The following VXN variants were observed in gnomAD, a reference collection of about 807,000 sequenced individuals.
The protein encoded by VXN is vexin, also known as uncharacterized protein C8orf46.
VXN carries 7 observed loss-of-function variants against 23.1 expected under a neutral mutation model. The ratio of observed to expected loss-of-function variants is 0.30; its 90% CI spans 0.17 to 0.57. VXN has a LOEUF of 0.57. VXN is among the 20% of genes least tolerant of loss of function. The pLI, the probability that VXN is intolerant of heterozygous loss-of-function variation, is 0.91. For missense variants in VXN, 238 were observed against 272.6 expected (o/e 0.87, Z 0.89); for synonymous variants, 120 against 105.8 (o/e 1.13, Z -0.83).
chr8:66,502,792 G>A (rs1369912597), intron 2 of VXN, among the ~76,000 whole-genome samples: 1 of 151,058 alleles, frequency 6.6e-6, no homozygotes, highest in African/African-American at 2.4e-5. Flanking sequence ...GAAATGCACA[G>A]AGCAACCAAT....
In VXN at chr8:66,510,174, T is replaced by G. The variant is rs1261553643; in HGVS notation, c.342+17T>G. 13 of 1,597,896 alleles carry G rather than the reference T, an allele frequency of 8.1e-6. No homozygotes were observed. Among genetic ancestry groups the G allele is most frequent in the Non-Finnish European group, 1.1e-5 (13 of 1,168,818 alleles). ...AAATCTCTGGTAAGTAAAATAAGCC[T>G]GCTTAGTTGTATCTGTTGTGCATTA... On this transcript the variant is annotated intron_variant, in intron 4 of 5. Transcript: ENST00000305454.
chr8:66,508,528 G>C (rs1475786739), intron 3 of VXN, among the ~76,000 whole-genome samples: 1 of 152,098 alleles, frequency 6.6e-6, no homozygotes, highest in Non-Finnish European at 1.5e-5. Context: ...CCTGAGCTGG[G>C]GGTAGTTCTG....
chr8:66,512,511 G>A (rs952728980), intron 4 of VXN, among the ~76,000 whole-genome samples: 9 of 152,216 alleles, frequency 5.9e-5, no homozygotes, highest in Admixed American at 1.3e-4. Flanking sequence ...ACAGCACAGA[G>A]TGTGTCTATT....
intron 1 of VXN, among the ~76,000 whole-genome samples, chr8:66,495,986 G>T (rs1021304175): frequency 7.9e-5 from 12 of 152,022 alleles, no homozygotes; most frequent in African/African-American, 2.9e-4. Context: ...TTGTCCTTTT[G>T]TTTGTTTGTT....
intron 2 of VXN, chr8:66,498,772 C>A: frequency 8.8e-6 from 4 of 452,126 alleles, no homozygotes; most frequent in Non-Finnish European, 1.8e-5. Flanking sequence ...CAGAATAGTG[C>A]AAAATTTAAA....
At chr8:66,505,351 A>C (rs2130549515) in intron 2 of VXN, 24 bp from the exon 3 acceptor site, 2 of 1,569,890 alleles carry the variant, frequency 1.3e-6, no homozygotes. Flanking sequence ...GGAGTGGGCT[A>C]ACCGCGTTTC....
Position 66,513,618 on chromosome 8 carries a change from G to A in VXN, c.421G>A (p.Gly141Arg). The change falls in exon 5 of 6, where the codon GGA (glycine) becomes AGA (arginine). Residue 141 changes from glycine (G) to arginine (R), a missense_variant. By Grantham distance (125) the Gly-to-Arg change is moderately radical (BLOSUM62 -2). Around this residue, in one of 2 missense-constraint regions of VXN, gnomAD observed 223 missense variants for 236.9 expected, o/e 0.94. Transcript: ENST00000305454. ...LEATAMGTEK[G>R]AVLMRGSRHL... Reference sequence around the variant, plus strand: ...GGCGACAGCCATGGGCACAGAGAAGGGAGCTGTTCTGATGAGAGGGTAAGT... The same window carrying A: ...GGCGACAGCCATGGGCACAGAGAAGAGAGCTGTTCTGATGAGAGGGTAAGT... 1 of 1,614,136 alleles carries A rather than the reference G, an allele frequency of 6.2e-7. No homozygotes were observed. Among genetic ancestry groups the A allele is most frequent in the Non-Finnish European group, 8.5e-7 (1 of 1,179,998 alleles).
Position 66,516,789 on chromosome 8 carries a change from A to G in VXN, c.*713A>G, listed in dbSNP as rs192355552. The stretch of plus-strand genomic sequence containing the variant: ...TTTTGAAAGTGCTTTCTCATCCGTT[A>G]TCTCTTATCTTCACAAAACCCCTGT... On this transcript the variant is annotated 3_prime_UTR_variant, in exon 6 of 6. Transcript: ENST00000305454. 12 of 152,358 alleles carry G rather than the reference A, an allele frequency of 7.9e-5. No homozygotes were observed. Among genetic ancestry groups the G allele is most frequent in the Admixed American group, 7.8e-4 (12 of 15,306 alleles). 9.4% of individuals were successfully genotyped at this position (152,358 alleles called of 1,614,324 possible). A position where few individuals can be genotyped will look rare whatever the true frequency, so the allele number is the denominator to read the frequency against.
At chr8:66,511,590 C>A (rs1807824555) in intron 4 of VXN, among the ~76,000 whole-genome samples, 1 of 152,148 alleles carries the variant, frequency 6.6e-6, no homozygotes, top group Admixed American at 6.5e-5. Flanking sequence ...CTCACCTGAG[C>A]CAGAGAAAAA....
chr8:66,517,854 G>A lies in VXN; in HGVS notation c.*1778G>A, dbSNP rs1807915143. On this transcript the variant is annotated 3_prime_UTR_variant, in exon 6 of 6. Coordinates refer to ENST00000305454, the MANE Select transcript of VXN (RefSeq NM_152765.4). ...TCAGACTCAACTGCTATGTGTGACT[G>A]CCGCTCTGTGCCTATGTCTTGCTTT... The A allele has an allele frequency of 6.6e-6, 1 of 152,236 alleles. No individual in the cohort carries two copies. Among genetic ancestry groups the A allele is most frequent in the Non-Finnish European group, 1.5e-5 (1 of 68,056 alleles). The allele number at this position is 152,236 out of a possible 1,614,324, so 9.4% of individuals were successfully genotyped here.
chr8:66,493,868 G>C, intron 1 of VXN, 150 bp downstream of exon 1: 1 of 644,130 alleles, frequency 1.6e-6, no homozygotes, highest in Non-Finnish European at 2.7e-6. Flanking sequence ...TTTTGGAGGG[G>C]GGAAAGAGGC....
At chr8:66,502,314 A>C (rs1807700345) in intron 2 of VXN, among the ~76,000 whole-genome samples, 1 of 152,220 alleles carries the variant, frequency 6.6e-6, no homozygotes, top group Admixed American at 6.5e-5. Context: ...GAGCCACGAC[A>C]ATGAAGATTC....
rs749805180 is a variant in VXN, at chr8:66,515,878, C to G, written c.441-15C>G. 61 of 1,560,836 alleles carry G rather than the reference C, an allele frequency of 3.9e-5. No individual in the cohort carries two copies. Among genetic ancestry groups the G allele is most frequent in the Non-Finnish European group, 4.9e-5 (57 of 1,154,008 alleles). On this transcript the variant is annotated splice_polypyrimidine_tract_variant and intron_variant, in intron 5 of 5. Transcript: ENST00000305454. ...AGCAGACCACCCTCCCCACCCACTCCTGGCTTTTCTTTAGATCCAGACATC... is the reference window on the plus strand; with the variant it reads ...AGCAGACCACCCTCCCCACCCACTCGTGGCTTTTCTTTAGATCCAGACATC...
At position 66,510,144 on chromosome 8, in the gene VXN, A is replaced by G; in HGVS notation, c.329A>G (p.Tyr110Cys). Residue 110 changes from tyrosine (Y) to cysteine (C), a missense_variant, in exon 4 of 6, where the codon TAT (tyrosine) becomes TGT (cysteine). By Grantham distance (194) the Tyr-to-Cys change is radical (BLOSUM62 -2). Around this residue, in one of 2 missense-constraint regions of VXN, gnomAD observed 223 missense variants for 236.9 expected, o/e 0.94. Coordinates refer to ENST00000305454, the MANE Select transcript of VXN (RefSeq NM_152765.4). The part of the protein sequence containing the change: ...KTSNLCGNRA[Y>C]GKSLIPPVPR... ...TCAAATCTGTGTGGGAATCGAGCAT[A>G]TGGAAAATCTCTGGTAAGTAAAATA... 6.2e-7 allele frequency: 1 copy of G among 1,612,536 alleles called. No homozygotes were observed. The highest frequency in any genetic ancestry group is 8.5e-7 in the Non-Finnish European group (1 of 1,179,386).
chr8:66,495,273 G>A (rs866470568), intron 1 of VXN, among the ~76,000 whole-genome samples: 7 of 152,306 alleles, frequency 4.6e-5, no homozygotes, highest in Middle Eastern at 3.4e-3. Context: ...AATGTTACAT[G>A]TGTTTATTTT....
chr8:66,511,548 A>G (rs1807824165), intron 4 of VXN, among the ~76,000 whole-genome samples: 2 of 152,220 alleles, frequency 1.3e-5, no homozygotes. Flanking sequence ...TCAAGGGAAG[A>G]TTATCAGGCT....
chr8:66,512,591 T>C (rs1807837282), intron 4 of VXN, among the ~76,000 whole-genome samples: 1 of 152,182 alleles, frequency 6.6e-6, no homozygotes, highest in African/African-American at 2.4e-5. Context: ...TCCATGTTCC[T>C]GAGTACTTGT....
At chr8:66,499,077 G>A (rs531723800) in intron 2 of VXN, among the ~76,000 whole-genome samples, 1 of 151,890 alleles carries the variant, frequency 6.6e-6, no homozygotes, top group African/African-American at 2.4e-5. Context: ...CCATGGGAAG[G>A]AGCAATGATT....
rs746606235 is a variant in VXN at position 66,516,083 on chromosome 8, C to A, written c.*7C>A. The stretch of plus-strand genomic sequence containing the variant: ...CGCCTTTGAGGCCGACTAAAGGTGA[C>A]CCTCTTCAAGTGCCCTGTGTTGGCC... On this transcript the variant is annotated 3_prime_UTR_variant, in exon 6 of 6. Coordinates refer to ENST00000305454, the MANE Select transcript of VXN (RefSeq NM_152765.4). The A allele has an allele frequency of 6.3e-7, 1 of 1,598,962 alleles. No homozygotes were observed. Among genetic ancestry groups the A allele is most frequent in the East Asian group, 2.2e-5 (1 of 44,564 alleles).
Sources: allele counts gnomAD v4.1 joint callset (sites outside exome capture counted in the v4.1 genomes callset), GRCh38; gene constraint gnomAD v4.1.1; regional missense constraint gnomAD v4.1.1; transcripts MANE v1.5; gene names NCBI Gene and HGNC (gene_info 2026-07-23, HGNC 2026-07-21).